Variants in PTK2B observed in about 807,000 individuals in gnomAD.
PTK2B encodes protein tyrosine kinase 2 beta.
PTK2B carries 71 observed loss-of-function variants against 142.9 expected under a neutral mutation model. The ratio of observed to expected loss-of-function variants is 0.50; its 90% CI spans 0.41 to 0.61. The LOEUF is 0.61. Ranked by LOEUF, PTK2B falls within the 20% of genes least tolerant of loss-of-function variation. The pLI, the probability that PTK2B is intolerant of heterozygous loss-of-function variation, is 0.00. For missense variants in PTK2B, 1,105 were observed against 1,320.4 expected (o/e 0.84, Z 2.53); for synonymous variants, 519 against 503.4 (o/e 1.03, Z -0.42).
At chr8:27,368,786 T>G (rs775315639) in intron 1 of PTK2B, among the ~76,000 whole-genome samples, 3 of 152,180 alleles carry the variant, frequency 2.0e-5, no homozygotes, top group Non-Finnish European at 4.4e-5. Context: ...CACTGACCAC[T>G]CTTGCTGGGG....
Position 27,437,223 on chromosome 8 carries a change from C to T in PTK2B, c.1426+17C>T. The T allele has an allele frequency of 6.2e-7, 1 of 1,603,008 alleles. No homozygotes were observed. The highest frequency in any genetic ancestry group is 8.5e-7 in the Non-Finnish European group (1 of 1,169,988). On this transcript the variant is annotated intron_variant, in intron 16 of 30. Transcript: ENST00000346049. ...GCGAGGCAGGTAGGGACCCCTGAGA[C>T]CAACCAGGCCTCCAAGATGGGAGGG...
intron 24 of PTK2B, among the ~76,000 whole-genome samples, chr8:27,447,134 C>T (rs540008744): frequency 7.9e-5 from 12 of 152,308 alleles, no homozygotes; most frequent in South Asian, 4.1e-4. Context: ...GCATTGCCTT[C>T]GTCCAATTTC....
At chr8:27,310,785 A>C, upstream of PTK2B, 1 of 1,559,082 alleles carries the variant, frequency 6.4e-7, no homozygotes, top group Non-Finnish European at 8.7e-7. Context: ...CGCCTCGTGC[A>C]AATCGCTGCT....
chr8:27,348,582 G>A (rs2130393318), intron 1 of PTK2B, among the ~76,000 whole-genome samples: 1 of 152,264 alleles, frequency 6.6e-6, no homozygotes, highest in South Asian at 2.1e-4. Flanking sequence ...AATACAAACA[G>A]TTCCCTGGTT....
rs1457249656 is a variant in PTK2B, at chr8:27,403,801, GTTCTTCTTTCTTCTGTCTTCTTTCTTTT to G, written c.204+6028_204+6055del. 2.0e-5 allele frequency among the ~76,000 whole-genome samples: 3 copies of G among 151,448 alleles called. No homozygotes were observed. In the East Asian group the frequency reaches 5.8e-4, roughly 29 times the overall value. On this transcript the variant is annotated intron_variant, in intron 2 of 30. Transcript: ENST00000346049. ...CTCCTCCTCCTCTTCTTCTTTCTTT[GTTCTTCTTTCTTCTGTCTTCTTTCTTTT>G]TTCTTCTTTCTTCTCTCTTCTTTCT... is the stretch of plus-strand genomic sequence containing the variant.
At chr8:27,456,872 C>A (rs552519024) in intron 30 of PTK2B, among the ~76,000 whole-genome samples, 1 of 152,186 alleles carries the variant, frequency 6.6e-6, no homozygotes, top group African/African-American at 2.4e-5. Flanking sequence ...TATGCCAAAG[C>A]CTAATCCAGA....
At position 27,445,929 on chromosome 8, in the gene PTK2B, C is replaced by T. The variant is rs758001503; in HGVS notation, c.2340+10C>T. On this transcript the variant is annotated intron_variant, in intron 24 of 30. Coordinates refer to ENST00000346049, the MANE Select transcript of PTK2B (RefSeq NM_173176.3). ...ACGCCACAGCATGCGGGTAAGAGGG[C>T]TCTGCATGCTGGTCCCTGCCCGGAC... 8.7e-6 allele frequency: 14 copies of T among 1,612,908 alleles called. No homozygotes were observed. Among genetic ancestry groups the T allele is most frequent in the Non-Finnish European group, 1.0e-5 (12 of 1,180,010 alleles).
At chr8:27,326,945 G>A in intron 1 of PTK2B, 1 of 152,606 alleles carries the variant, frequency 6.6e-6, no homozygotes. Flanking sequence ...TTGAGGGAGG[G>A]CTGCCAGGGG....
intron 26 of PTK2B, 152 bp from the exon 27 acceptor site, chr8:27,451,333 T>G: frequency 4.5e-6 from 6 of 1,325,504 alleles, no homozygotes; most frequent in Non-Finnish European, 6.2e-6. Context: ...AAAGGTCACA[T>G]TGGGTCACGA....
intron 5 of PTK2B, among the ~76,000 whole-genome samples, chr8:27,425,561 T>C (rs1413737231): frequency 6.6e-6 from 1 of 152,022 alleles, no homozygotes; most frequent in African/African-American, 2.4e-5. Context: ...ATCAACATTC[T>C]CCACCAGAAT....
intron 1 of PTK2B, among the ~76,000 whole-genome samples, chr8:27,354,625 T>C (rs1215594771): frequency 3.3e-5 from 5 of 152,156 alleles, no homozygotes; most frequent in Admixed American, 3.3e-4. Flanking sequence ...GCTTGAAAAA[T>C]GGCAGCGTGT....
At chr8:27,448,535 G>A (rs570222359) in intron 24 of PTK2B, among the ~76,000 whole-genome samples, 2 of 152,206 alleles carry the variant, frequency 1.3e-5, no homozygotes, top group African/African-American at 4.8e-5. Context: ...AGAATATGTG[G>A]TACGATCAGG....
At chr8:27,397,827 C>G (rs1412478404) in intron 2 of PTK2B, 39 bp downstream of exon 2, 1 of 1,604,026 alleles carries the variant, frequency 6.2e-7, no homozygotes, top group East Asian at 2.2e-5. Context: ...CTGTCTGTCC[C>G]TCTGTCTTCT....
At chr8:27,409,505 A>G (rs1808924579) in intron 2 of PTK2B, among the ~76,000 whole-genome samples, 1 of 152,168 alleles carries the variant, frequency 6.6e-6, no homozygotes, top group Non-Finnish European at 1.5e-5. Context: ...AACTTTGGAG[A>G]CCAGGCACAG....
intron 17 of PTK2B, 102 bp from the exon 18 acceptor site, chr8:27,437,663 C>T: frequency 1.5e-6 from 2 of 1,301,088 alleles, no homozygotes; most frequent in Non-Finnish European, 2.2e-6. Context: ...GGTTTGTCTC[C>T]CACCGCCCCC....
At chr8:27,444,081 T>G in intron 22 of PTK2B, 125 bp from the exon 23 acceptor site, 1 of 975,946 alleles carries the variant, frequency 1.0e-6, no homozygotes, top group Non-Finnish European at 1.6e-6. Flanking sequence ...TCATGACAGC[T>G]TTGTCCCTCA....
chr8:27,417,596 A>G (rs1809481757), intron 2 of PTK2B, among the ~76,000 whole-genome samples: 1 of 152,222 alleles, frequency 6.6e-6, no homozygotes. Context: ...TTTTACATTT[A>G]AAGAAGAACT....
intron 2 of PTK2B, among the ~76,000 whole-genome samples, chr8:27,399,824 A>T (rs1165125344): frequency 3.9e-5 from 6 of 152,204 alleles, no homozygotes; most frequent in Admixed American, 3.9e-4. Flanking sequence ...TTAGACTTCT[A>T]GCCAAGTCCT....
intron 10 of PTK2B, among the ~76,000 whole-genome samples, chr8:27,432,749 C>T (rs1166791491): frequency 1.5e-5 from 2 of 131,336 alleles, no homozygotes; most frequent in Admixed American, 1.5e-4. Context: ...AGTAAAACAC[C>T]CAGAGAGACC....
Sources: gnomAD v4.1 joint callset for allele counts (sites outside exome capture counted in the v4.1 genomes callset) on GRCh38, gnomAD v4.1.1 for gene constraint, MANE v1.5 for transcripts, NCBI Gene and HGNC (gene_info 2026-07-23, HGNC 2026-07-21) for gene names.